COX10: variants seen among roughly 807,000 people sequenced by gnomAD.
The protein encoded by COX10 is protoheme IX farnesyltransferase, mitochondrial.
In COX10, 27 loss-of-function variants were observed where a neutral mutation model predicts 37.3. That is an observed-to-expected ratio of 0.72 (90% CI 0.53 to 1.00). COX10 has a LOEUF of 1.00. COX10 is among the 50% of genes least tolerant of loss of function. The pLI is 0.00. For synonymous variants in COX10, 222 were observed against 229.1 expected (o/e 0.97, Z 0.28); for missense variants, 475 against 563.2 (o/e 0.84, Z 1.59).
At chr17:14,070,287 T>C (rs1189286037) in intron 1 of COX10, among the ~76,000 whole-genome samples, 2 of 152,222 alleles carry the variant, frequency 1.3e-5, no homozygotes, top group African/African-American at 4.8e-5. Context: ...CCACCCTATA[T>C]AAACTAGGGC....
chr17:14,137,417 A>G (rs1049766572), intron 4 of COX10, among the ~76,000 whole-genome samples: 1 of 151,916 alleles, frequency 6.6e-6, no homozygotes, highest in Non-Finnish European at 1.5e-5. Flanking sequence ...ATGAGAAACT[A>G]TTAGAATATA....
chr17:14,176,076 G>A lies in COX10; in HGVS notation c.696-15913G>A, dbSNP rs574321881. On this transcript the variant is annotated intron_variant, in intron 5 of 6. Coordinates refer to ENST00000261643, the MANE Select transcript of COX10 (RefSeq NM_001303.4). ...TAAAGTAGACCGTAGAATCCCAGGA[G>A]AGAGACTTGGGGCAGCTCCTGGCAT... is the stretch of plus-strand genomic sequence containing the variant. Among the ~76,000 whole-genome samples, 4 of 152,242 alleles carry A rather than the reference G, an allele frequency of 2.6e-5. No individual in the cohort carries two copies. The East Asian group carries it at 7.8e-4, about 30-fold the overall frequency.
intron 4 of COX10, among the ~76,000 whole-genome samples, chr17:14,153,660 G>A (rs1273861966): frequency 2.0e-5 from 3 of 152,166 alleles, no homozygotes; most frequent in Non-Finnish European, 4.4e-5. Context: ...CTGTGGGAAT[G>A]AAAAAGTGGC....
intron 3 of COX10, among the ~76,000 whole-genome samples, chr17:14,082,945 C>A (rs115361599): frequency 1.3e-5 from 2 of 152,104 alleles, no homozygotes; most frequent in Non-Finnish European, 2.9e-5. Flanking sequence ...AGGTAGGCAG[C>A]GAGTACTAGT....
intron 4 of COX10, among the ~76,000 whole-genome samples, chr17:14,120,915 C>T (rs1183533490): frequency 6.6e-6 from 1 of 152,142 alleles, no homozygotes; most frequent in Admixed American, 6.5e-5. Context: ...GAACCTGCAT[C>T]TTTGTAACAC....
intron 3 of COX10, among the ~76,000 whole-genome samples, chr17:14,095,124 G>A (rs1915615625): frequency 6.6e-6 from 1 of 152,204 alleles, no homozygotes; most frequent in Non-Finnish European, 1.5e-5. Context: ...GAGCTCTTCT[G>A]TAGCAGAAGG....
At chr17:14,179,809 A>G (rs1002975860) in intron 5 of COX10, among the ~76,000 whole-genome samples, 3 of 151,552 alleles carry the variant, frequency 2.0e-5, no homozygotes, top group Admixed American at 1.3e-4. Context: ...AGAGTGATCC[A>G]TAACATGTAA....
intron 4 of COX10, among the ~76,000 whole-genome samples, chr17:14,153,456 C>G (rs1261212951): frequency 6.6e-6 from 1 of 152,160 alleles, no homozygotes. Flanking sequence ...TATACAAATA[C>G]AGTTCTATCA....
intron 3 of COX10, among the ~76,000 whole-genome samples, chr17:14,078,995 G>A (rs571232728): frequency 2.6e-5 from 4 of 152,026 alleles, no homozygotes; most frequent in Non-Finnish European, 4.4e-5. Flanking sequence ...TGTTAATCCT[G>A]CTCTTGGCCC....
chr17:14,100,275 C>T (rs1391872997), intron 3 of COX10, among the ~76,000 whole-genome samples: 2 of 152,182 alleles, frequency 1.3e-5, no homozygotes, highest in Admixed American at 6.5e-5. Context: ...CACCTTTCCT[C>T]CTGTTTTTCC....
At chr17:14,086,872 G>C (rs534981182) in intron 3 of COX10, among the ~76,000 whole-genome samples, 8 of 152,090 alleles carry the variant, frequency 5.3e-5, no homozygotes, top group South Asian at 2.1e-4. Flanking sequence ...CTTTCTACTA[G>C]CTTTCTTCAT....
chr17:14,146,079 G>T (rs1395292686), intron 4 of COX10, among the ~76,000 whole-genome samples: 1 of 151,576 alleles, frequency 6.6e-6, no homozygotes, highest in Non-Finnish European at 1.5e-5. Context: ...GAAAATACAT[G>T]GTCTTATGAC....
chr17:14,207,727 A>G lies in COX10; in HGVS notation c.*514A>G. The G allele has an allele frequency of 6.5e-6, 1 of 154,736 alleles. No homozygotes were observed. The highest frequency in any genetic ancestry group is 1.4e-5 in the Non-Finnish European group (1 of 69,752). The allele number at this position is 154,736 out of a possible 1,614,324, so 9.6% of individuals were successfully genotyped here. On this transcript the variant is annotated 3_prime_UTR_variant, in exon 7 of 7. Transcript: ENST00000261643. The stretch of plus-strand genomic sequence containing the variant: ...GCATTTTTGGTTTTCCCCACCCCAC[A>G]CATTCTCAACCATAGTCCTTCTAAC...
intron 4 of COX10, among the ~76,000 whole-genome samples, chr17:14,133,712 C>T (rs1169955244): frequency 6.6e-6 from 1 of 151,546 alleles, no homozygotes; most frequent in Non-Finnish European, 1.5e-5. Flanking sequence ...TCACTTTCAT[C>T]CAGATTTCAG....
chr17:14,167,683 C>T (rs1905331874), intron 5 of COX10, among the ~76,000 whole-genome samples: 1 of 152,132 alleles, frequency 6.6e-6, no homozygotes, highest in Non-Finnish European at 1.5e-5. Flanking sequence ...TACATGGTAG[C>T]AGGAGAGAGA....
At chr17:14,185,445 A>G in intron 5 of COX10, among the ~76,000 whole-genome samples, 1 of 151,066 alleles carries the variant, frequency 6.6e-6, no homozygotes, top group Non-Finnish European at 1.5e-5. Flanking sequence ...GCAGAAAATC[A>G]TAGTTGTGTT....
At chr17:14,103,930 T>C (rs981922939) in intron 4 of COX10, among the ~76,000 whole-genome samples, 1 of 152,158 alleles carries the variant, frequency 6.6e-6, no homozygotes, top group African/African-American at 2.4e-5. Flanking sequence ...TTGGGATTCT[T>C]TCTGGTCCTG....
At chr17:14,141,736 A>G (rs1398989336) in intron 4 of COX10, among the ~76,000 whole-genome samples, 1 of 152,060 alleles carries the variant, frequency 6.6e-6, no homozygotes, top group Non-Finnish European at 1.5e-5. Context: ...AGATTTCATT[A>G]TATTTAAAGA....
intron 4 of COX10, among the ~76,000 whole-genome samples, chr17:14,152,207 C>A (rs1904923331): frequency 6.6e-6 from 1 of 152,140 alleles, no homozygotes; most frequent in Non-Finnish European, 1.5e-5. Flanking sequence ...TAAGACATAA[C>A]CCGCGATTGG....
Sources: gnomAD v4.1 joint callset for allele counts (sites outside exome capture counted in the v4.1 genomes callset) on GRCh38, gnomAD v4.1.1 for gene constraint, MANE v1.5 for transcripts, NCBI Gene and HGNC (gene_info 2026-07-23, HGNC 2026-07-21) for gene names.